Variants in MPP1 observed in about 807,000 individuals in gnomAD.
MPP1 encodes the protein MAGUK p55 scaffold protein 1.
MPP1 carries 6 observed loss-of-function variants against 38.2 expected under a neutral mutation model. The ratio of observed to expected loss-of-function variants is 0.16; its 90% CI spans 0.09 to 0.31. The LOEUF (loss-of-function observed/expected upper bound fraction) is 0.31. Ranked by LOEUF, MPP1 falls within the 10% of genes least tolerant of loss-of-function variation. MPP1 has a pLI of 1.00. For synonymous variants in MPP1, 153 were observed against 146.3 expected (o/e 1.05, Z -0.33); for missense variants, 293 against 368.9 (o/e 0.79, Z 1.69).
At chrX:154,787,205 T>A (rs1284487160) in intron 5 of MPP1, among the ~76,000 whole-genome samples, 2 of 110,074 alleles carry the variant, frequency 1.8e-5, no homozygotes, top group Admixed American at 9.8e-5. Context: ...AGAAGGCTAA[T>A]CTCATACGAA....
intron 1 of MPP1, among the ~76,000 whole-genome samples, chrX:154,800,085 T>A (rs2072245662): frequency 8.9e-6 from 1 of 111,972 alleles, no homozygotes; most frequent in Non-Finnish European, 1.9e-5. Flanking sequence ...CGTGGAGACT[T>A]AGAAAGCCAA....
chrX:154,805,248 T>C, intron 1 of MPP1, 24 bp downstream of exon 1: 1 of 1,178,646 alleles, frequency 8.5e-7, no homozygotes, highest in Non-Finnish European at 1.1e-6. Context: ...CCCAGCGCCC[T>C]TGGGACTAGC....
chrX:154,784,510 A>G (rs782315040), intron 7 of MPP1, among the ~76,000 whole-genome samples: 1 of 110,750 alleles, frequency 9.0e-6, no homozygotes, highest in East Asian at 2.8e-4. Context: ...CCAGCTGCTC[A>G]AGATAGAGAC....
Position 154,781,241 on chromosome X carries a change from G to A in MPP1, c.1222C>T (p.Gln408Ter). The part of the protein sequence containing the change: ...VFIAPTDQGT[Q>*]TEALQQLQKD... ...CATCGCGCACAACCTCTCCTCACCT[G>A]AGTGCCCTGGTCAGTAGGTGCAATG... Residue 408 changes from glutamine (Q) to a stop codon, truncating the protein, a stop_gained and splice_region_variant, in exon 11 of 12, where the codon CAG becomes TAG. Transcript: ENST00000369534. LOFTEE classifies it high-confidence loss of function. The A allele has an allele frequency of 8.3e-7, 1 of 1,205,919 alleles. No individual in the cohort carries two copies. The highest frequency in any genetic ancestry group is 1.1e-6 in the Non-Finnish European group (1 of 892,322).
At chrX:154,786,751 C>T (rs971390019) in intron 5 of MPP1, among the ~76,000 whole-genome samples, 1 of 109,029 alleles carries the variant, frequency 9.2e-6, no homozygotes, top group East Asian at 2.9e-4. Flanking sequence ...CAAAAATTAG[C>T]TGGGTGTGGT....
chrX:154,804,718 G>A (rs1278505413), intron 1 of MPP1: 1 of 342,374 alleles, frequency 2.9e-6, no homozygotes, highest in Non-Finnish European at 5.9e-6. Context: ...CTTTGAGGAC[G>A]GAGGTTAATA....
At chrX:154,796,524 G>A (rs1557268174) in intron 1 of MPP1, among the ~76,000 whole-genome samples, 1 of 112,099 alleles carries the variant, frequency 8.9e-6, no homozygotes, top group Non-Finnish European at 1.9e-5. Context: ...GCATACAGGA[G>A]GCACCAGCCA....
intron 5 of MPP1, among the ~76,000 whole-genome samples, chrX:154,788,832 A>T (rs1173538190): frequency 2.7e-5 from 3 of 112,431 alleles, no homozygotes; most frequent in Non-Finnish European, 5.6e-5. Context: ...AGCTGACAGA[A>T]TAGATTAAAT....
intron 1 of MPP1, among the ~76,000 whole-genome samples, chrX:154,801,005 G>C (rs139322603): frequency 8.9e-6 from 1 of 112,197 alleles, no homozygotes; most frequent in African/African-American, 3.3e-5. Flanking sequence ...CTCCTCTGGC[G>C]TCACTTCCCC....
chrX:154,801,717 C>T (rs2072262983), intron 1 of MPP1, among the ~76,000 whole-genome samples: 1 of 92,181 alleles, frequency 1.1e-5, no homozygotes, highest in Non-Finnish European at 2.1e-5. Context: ...CAAGACCACA[C>T]CCCTACACTC....
chrX:154,783,545 G>T, intron 8 of MPP1, 38 bp from the exon 9 acceptor site: 1 of 1,087,739 alleles, frequency 9.2e-7, no homozygotes, highest in Non-Finnish European at 1.3e-6. Flanking sequence ...GGAAAGGGGG[G>T]AGAGGAGCGA....
rs182576368 is a variant in MPP1, at chrX:154,783,377, A to G, written c.946+50T>C. On this transcript the variant is annotated intron_variant, in intron 9 of 11. Coordinates refer to ENST00000369534, the MANE Select transcript of MPP1 (RefSeq NM_002436.4). ...TAACACTATGGTATTTCAGATGGCG[A>G]GTGGTACCAGCCTGTCACCTCCCCT... 3.6e-4 allele frequency: 296 copies of G among 815,275 alleles called. 1 individual carries two copies. The East Asian group carries it at 5.0e-3, about 14-fold the overall frequency. The allele number at this position is 815,275 out of a possible 1,213,427, so 67.2% of individuals were successfully genotyped here. A position where few individuals can be genotyped will look rare whatever the true frequency, so the allele number is the denominator to read the frequency against.
chrX:154,803,740 G>C (rs146756973), intron 1 of MPP1, among the ~76,000 whole-genome samples: 2 of 112,376 alleles, frequency 1.8e-5, no homozygotes, highest in South Asian at 7.3e-4. Context: ...CATGATTGTG[G>C]TTGTCGTTAC....
chrX:154,781,049 G>C (rs1444310357), intron 11 of MPP1, among the ~76,000 whole-genome samples, 190 bp downstream of exon 11: 1 of 111,735 alleles, frequency 8.9e-6, no homozygotes, highest in Non-Finnish European at 1.9e-5. Context: ...GGTAGCATGG[G>C]CACTGGCCTA....
intron 6 of MPP1, 43 bp from the exon 7 acceptor site, chrX:154,785,200 C>T: frequency 1.2e-6 from 1 of 867,055 alleles, no homozygotes; most frequent in Non-Finnish European, 1.5e-6. Context: ...TCCTCCCCCT[C>T]CCCTCATACC....
At chrX:154,784,403 A>T (rs1557266970) in intron 7 of MPP1, among the ~76,000 whole-genome samples, 3 of 110,696 alleles carry the variant, frequency 2.7e-5, no homozygotes, top group Non-Finnish European at 5.7e-5. Context: ...TAGTTTCAGT[A>T]TCAGATGTTC....
intron 9 of MPP1, 31 bp downstream of exon 9, chrX:154,783,396 C>G (rs2072031481): frequency 9.0e-7 from 1 of 1,111,988 alleles, no homozygotes; most frequent in Admixed American, 2.3e-5. Flanking sequence ...AGCCTGTCAC[C>G]TCCCCTCCAA....
At chrX:154,787,691 C>T (rs1466798697) in intron 5 of MPP1, among the ~76,000 whole-genome samples, 1 of 111,747 alleles carries the variant, frequency 8.9e-6, no homozygotes, top group African/African-American at 3.3e-5. Context: ...AGGTTGGTCT[C>T]GAACTCCTGG....
At position 154,792,672 on chromosome X, in the gene MPP1, C is replaced by A. The variant is rs782064431; in HGVS notation, c.103-387G>T. On this transcript the variant is annotated intron_variant, in intron 1 of 11. Transcript: ENST00000369534. The stretch of plus-strand genomic sequence containing the variant: ...TAACAAAATTAGAAAGATTCTGAAT[C>A]CTGCGGCACCTCAGGCTCCAAGGGT... 2.7e-5 allele frequency among the ~76,000 whole-genome samples: 3 copies of A among 110,976 alleles called. 1 individual carries two copies. The South Asian group carries it at 1.2e-3, about 43-fold the overall frequency.
Sources: gnomAD v4.1 joint callset for allele counts (sites outside exome capture counted in the v4.1 genomes callset) on GRCh38, gnomAD v4.1.1 for gene constraint, MANE v1.5 for transcripts, NCBI Gene and HGNC (gene_info 2026-07-23, HGNC 2026-07-21) for gene names.